The following RGS6 variants were observed in gnomAD, a reference collection of about 807,000 sequenced individuals.
The protein encoded by RGS6 is regulator of G-protein signaling 6.
RGS6 carries 30 observed loss-of-function variants against 78.5 expected under a neutral mutation model. That is an observed-to-expected ratio of 0.38 (90% CI 0.29 to 0.52). RGS6 has a LOEUF of 0.52. Among genes scored for constraint, RGS6 ranks in the 20% least tolerant of loss-of-function variants. RGS6 has a pLI of 0.85. For missense variants in RGS6, 495 were observed against 609.7 expected, an observed-to-expected ratio of 0.81 and a Z score of 1.98; for synonymous variants, 206 against 206.0, an observed-to-expected ratio of 1.00 and a Z score of 0.00.
chr14:72,323,795 C>A (rs1273396922), intron 2 of RGS6, among the ~76,000 whole-genome samples: 4 of 36,936 alleles, frequency 1.1e-4, no homozygotes, highest in Non-Finnish European at 1.6e-4. Context: ...AGTGAGACTC[C>A]ATCTCAAAAA....
chr14:72,558,564 G>A (rs886695016), intron 17 of RGS6, among the ~76,000 whole-genome samples: 2 of 152,134 alleles, frequency 1.3e-5, no homozygotes, highest in African/African-American at 4.8e-5. Context: ...CACAAAAGGG[G>A]GCTATTCCTT....
intron 17 of RGS6, chr14:72,550,720 T>C: frequency 7.6e-7 from 1 of 1,309,900 alleles, no homozygotes; most frequent in Non-Finnish European, 1.0e-6. Context: ...TTACACCTGA[T>C]GGAGGTTTTA....
At chr14:72,337,812 C>T (rs1323600747) in intron 2 of RGS6, among the ~76,000 whole-genome samples, 1 of 152,222 alleles carries the variant, frequency 6.6e-6, no homozygotes, top group Non-Finnish European at 1.5e-5. Flanking sequence ...GGTTTATTTT[C>T]AGATGCTGGT....
At chr14:72,060,371 C>T (rs1460941661) in intron 2 of RGS6, among the ~76,000 whole-genome samples, 2 of 136,972 alleles carry the variant, frequency 1.5e-5, no homozygotes, top group Non-Finnish European at 3.1e-5. Context: ...CCCCTCCCAC[C>T]TTTTTTTTTT....
At chr14:72,529,833 C>T (rs1226845506) in intron 15 of RGS6, among the ~76,000 whole-genome samples, 1 of 152,216 alleles carries the variant, frequency 6.6e-6, no homozygotes, top group East Asian at 1.9e-4. Context: ...CAGCCCTTAG[C>T]TGAATTGGCT....
At position 72,426,922 on chromosome 14, in the gene RGS6, C is replaced by A. The variant is rs914866220; in HGVS notation, c.185-27606C>A. ...CTGCCAAGGCTAAATCATAAACATT[C>A]AATGCACTTCTGCCTTGCTCTCTTG... On this transcript the variant is annotated intron_variant, in intron 3 of 17. Coordinates refer to ENST00000553525, the MANE Select transcript of RGS6 (RefSeq NM_001204424.2). Among the ~76,000 whole-genome samples, 3 of 152,234 alleles carry A rather than the reference C, an allele frequency of 2.0e-5. No homozygotes were observed. The East Asian group carries it at 5.8e-4, about 29-fold the overall frequency.
At chr14:72,465,216 C>G (rs905001835) in intron 6 of RGS6, among the ~76,000 whole-genome samples, 1 of 152,148 alleles carries the variant, frequency 6.6e-6, no homozygotes, top group Admixed American at 6.5e-5. Flanking sequence ...TATTTGCCAT[C>G]CTAACGAGCC....
At chr14:72,151,052 G>A (rs142602638) in intron 2 of RGS6, among the ~76,000 whole-genome samples, 218 of 152,336 alleles carry the variant, frequency 1.4e-3, no homozygotes, top group Admixed American at 2.3e-3. Context: ...AGGAGAGTGA[G>A]TGGTGGGCTC....
intron 2 of RGS6, among the ~76,000 whole-genome samples, chr14:72,050,804 G>C (rs938447919): frequency 6.6e-5 from 10 of 152,220 alleles, no homozygotes; most frequent in Non-Finnish European, 1.3e-4. Context: ...GTATAGGGAG[G>C]GCTGACTTTG....
intron 2 of RGS6, among the ~76,000 whole-genome samples, chr14:72,174,959 G>T (rs972055935): frequency 2.0e-4 from 30 of 152,184 alleles, no homozygotes; most frequent in South Asian, 2.1e-4. Flanking sequence ...AAGCAGTCAG[G>T]GTGGTTGCCT....
intron 2 of RGS6, among the ~76,000 whole-genome samples, chr14:72,042,124 T>C (rs186530370): frequency 8.2e-6 from 1 of 121,252 alleles, no homozygotes; most frequent in East Asian, 2.6e-4. Context: ...TTTCTTTTTC[T>C]TTTTCTTTTT....
intron 2 of RGS6, among the ~76,000 whole-genome samples, chr14:72,004,578 A>G (rs534532939): frequency 8.5e-5 from 13 of 152,340 alleles, no homozygotes; most frequent in African/African-American, 2.9e-4. Context: ...TCATGCCTGT[A>G]ATCCCAACAT....
At chr14:72,349,886 C>T (rs1224971182) in intron 2 of RGS6, among the ~76,000 whole-genome samples, 1 of 152,192 alleles carries the variant, frequency 6.6e-6, no homozygotes, top group Non-Finnish European at 1.5e-5. Context: ...CAATGATTTT[C>T]TGGCCATTTT....
At chr14:72,043,365 A>T (rs1344015684) in intron 2 of RGS6, among the ~76,000 whole-genome samples, 1 of 152,126 alleles carries the variant, frequency 6.6e-6, no homozygotes, top group Non-Finnish European at 1.5e-5. Flanking sequence ...CAAATTTCTG[A>T]CTATACTATA....
intron 13 of RGS6, among the ~76,000 whole-genome samples, chr14:72,501,496 C>T (rs569779172): frequency 7.2e-5 from 11 of 152,202 alleles, no homozygotes; most frequent in Non-Finnish European, 1.0e-4. Context: ...GCCTGGGTGA[C>T]AGAACAAGAC....
the RGS6 span, among the ~76,000 whole-genome samples, chr14:71,882,099 G>T: frequency 6.6e-6 from 1 of 152,096 alleles, no homozygotes; most frequent in African/African-American, 2.4e-5. Flanking sequence ...CCTTAACTCT[G>T]TTAATTTCCC....
At chr14:71,893,225 T>G in the RGS6 span, among the ~76,000 whole-genome samples, 1 of 152,252 alleles carries the variant, frequency 6.6e-6, no homozygotes, top group Non-Finnish European at 1.5e-5. Flanking sequence ...TCCCCATCTC[T>G]GACTTGCATT....
At chr14:72,224,839 C>G (rs2047729488) in intron 2 of RGS6, among the ~76,000 whole-genome samples, 1 of 152,064 alleles carries the variant, frequency 6.6e-6, no homozygotes, top group Non-Finnish European at 1.5e-5. Flanking sequence ...TTCACAAAGT[C>G]AAGTAGCTCC....
rs759527358 is a variant in RGS6 at position 72,052,925 on chromosome 14, T to TTTTCTTTCTTTC, written c.84+88100_84+88111dup. On this transcript the variant is annotated intron_variant, in intron 2 of 17. Transcript: ENST00000553525. ...GCACATGTTCAGAGTTTCATTGTAT[T>TTTTCTTTCTTTC]TTTCTTTCTTTCTTTCTTTCTTTCT... Among the ~76,000 whole-genome samples, 677 of 120,398 alleles carry TTTTCTTTCTTTC rather than the reference T, an allele frequency of 5.6e-3. 52 individuals carry two copies. The highest frequency in any genetic ancestry group is 9.1e-3 in the Non-Finnish European group (489 of 53,548). 79.0% of individuals were successfully genotyped at this position (120,398 alleles called of 152,430 possible).
Sources: allele counts gnomAD v4.1 joint callset (sites outside exome capture counted in the v4.1 genomes callset), GRCh38; gene constraint gnomAD v4.1.1; transcripts MANE v1.5; gene names NCBI Gene and HGNC (gene_info 2026-07-23, HGNC 2026-07-21).